Variants in PALM2AKAP2 observed in about 807,000 individuals in gnomAD.
PALM2AKAP2 encodes the protein PALM2 and AKAP2 fusion.
PALM2AKAP2 carries 37 observed loss-of-function variants against 71.5 expected under a neutral mutation model. That is an observed-to-expected ratio of 0.52 (90% CI 0.40 to 0.68). The LOEUF (loss-of-function observed/expected upper bound fraction) is 0.68. PALM2AKAP2 is among the 30% of genes least tolerant of loss of function. The pLI, the probability that PALM2AKAP2 is intolerant of heterozygous loss-of-function variation, is 0.00. For synonymous variants in PALM2AKAP2, 468 were observed against 478.8 expected, an observed-to-expected ratio of 0.98 and a Z score of 0.29; for missense variants, 1,224 against 1,191.8, an observed-to-expected ratio of 1.03 and a Z score of -0.40.
At chr9:109,878,372 G>T (rs1829764803) in intron 2 of PALM2AKAP2, among the ~76,000 whole-genome samples, 1 of 152,166 alleles carries the variant, frequency 6.6e-6, no homozygotes, top group Non-Finnish European at 1.5e-5. Flanking sequence ...TATAATCACT[G>T]TAAGAGTATA....
At chr9:109,866,692 A>G (rs1829457210) in intron 1 of PALM2AKAP2, among the ~76,000 whole-genome samples, 1 of 152,242 alleles carries the variant, frequency 6.6e-6, no homozygotes, top group African/African-American at 2.4e-5. Context: ...TAGGCCTTTT[A>G]CGTTACATCA....
Position 109,789,214 on chromosome 9 carries a change from ACAGCCCCATTGAGAGAG to A in PALM2AKAP2, c.45+8682_45+8698del, listed in dbSNP as rs1827044278. Among the ~76,000 whole-genome samples, 4 of 152,184 alleles carry A rather than the reference ACAGCCCCATTGAGAGAG, an allele frequency of 2.6e-5. No homozygotes were observed. In the South Asian group the frequency reaches 8.3e-4, roughly 32 times the overall value. ...AGAGAAGATATCCAGCAACACCATG[ACAGCCCCATTGAGAGAG>A]GCTTGCCATACATATGATGGTGTAT... On this transcript the variant is annotated intron_variant, in intron 1 of 9. Transcript: ENST00000302798.
intron 1 of PALM2AKAP2, among the ~76,000 whole-genome samples, chr9:109,736,297 G>A (rs1828634756): frequency 6.6e-6 from 1 of 152,134 alleles, no homozygotes; most frequent in South Asian, 2.1e-4. Context: ...GTTTTCTGTA[G>A]CGACAATGAA....
At chr9:109,913,781 G>T (rs1313454452) in intron 3 of PALM2AKAP2, among the ~76,000 whole-genome samples, 1 of 141,386 alleles carries the variant, frequency 7.1e-6, no homozygotes, top group Non-Finnish European at 1.5e-5. Flanking sequence ...TTTTGAGACG[G>T]AGTCTGGCTC....
chr9:109,949,831 A>G (rs1249828071), intron 6 of PALM2AKAP2, among the ~76,000 whole-genome samples: 1 of 152,232 alleles, frequency 6.6e-6, no homozygotes, highest in East Asian at 1.9e-4. Flanking sequence ...AAGCCCAGAA[A>G]CTATCAAAGT....
chr9:109,740,320 T>C (rs918255389), intron 1 of PALM2AKAP2, among the ~76,000 whole-genome samples: 7 of 152,180 alleles, frequency 4.6e-5, no homozygotes, highest in Admixed American at 4.6e-4. Context: ...CAGATGTTGA[T>C]GAGTACTATA....
chr9:109,940,237 A>G (rs758694407), intron 6 of PALM2AKAP2, among the ~76,000 whole-genome samples: 1 of 152,208 alleles, frequency 6.6e-6, no homozygotes, highest in African/African-American at 2.4e-5. Context: ...GATCCTAAAA[A>G]TCTATGAAGC....
intron 1 of PALM2AKAP2, among the ~76,000 whole-genome samples, chr9:110,088,873 C>T (rs990982495): frequency 6.6e-6 from 1 of 151,850 alleles, no homozygotes; most frequent in South Asian, 2.1e-4. Context: ...CTTCAAGCCA[C>T]CACGCCCAGC....
chr9:109,830,428 A>G (rs1195938978), intron 1 of PALM2AKAP2, among the ~76,000 whole-genome samples: 1 of 152,186 alleles, frequency 6.6e-6, no homozygotes, highest in Non-Finnish European at 1.5e-5. Context: ...GCTGGTGTTA[A>G]TGTTTGATCA....
At chr9:109,681,717 T>G (rs1018433709) in intron 1 of PALM2AKAP2, among the ~76,000 whole-genome samples, 3 of 152,210 alleles carry the variant, frequency 2.0e-5, no homozygotes, top group South Asian at 4.1e-4. Context: ...TTAGACTTAT[T>G]ATATGGGTAG....
At chr9:109,943,274 T>C (rs1831420084) in intron 6 of PALM2AKAP2, 3 of 1,614,106 alleles carry the variant, frequency 1.9e-6, no homozygotes, top group Non-Finnish European at 2.5e-6. Context: ...GTGTCCACTA[T>C]TGACGGGAAC....
At chr9:110,025,378 A>G (rs1588065011) in intron 7 of PALM2AKAP2, 1 of 882,332 alleles carries the variant, frequency 1.1e-6, no homozygotes, top group South Asian at 1.3e-5. Flanking sequence ...TTACTGGAAG[A>G]TGGAGGTTCC....
intron 2 of PALM2AKAP2, 100 bp from the exon 3 acceptor site, chr9:109,880,451 G>C: frequency 6.6e-7 from 1 of 1,516,028 alleles, no homozygotes; most frequent in Non-Finnish European, 8.9e-7. Flanking sequence ...TTCAGGCAGC[G>C]CTGGTGAGGG....
chr9:110,104,345 C>T (rs1564307288), intron 1 of PALM2AKAP2, among the ~76,000 whole-genome samples: 3 of 152,242 alleles, frequency 2.0e-5, no homozygotes, highest in East Asian at 3.9e-4. Flanking sequence ...TCCCACAGCA[C>T]AAATCGTACC....
chr9:109,691,903 CACACACACATATATATATAT>C (rs1827899970), intron 1 of PALM2AKAP2, among the ~76,000 whole-genome samples: 5 of 41,264 alleles, frequency 1.2e-4, no homozygotes, highest in Admixed American at 2.2e-4. Flanking sequence ...TATATATATA[CACACACACATATATATATAT>C]ACACATATAT....
intron 1 of PALM2AKAP2, among the ~76,000 whole-genome samples, chr9:110,071,691 A>G (rs1834211132): frequency 6.6e-6 from 1 of 152,230 alleles, no homozygotes; most frequent in Non-Finnish European, 1.5e-5. Flanking sequence ...GAAAATGGGC[A>G]TATTTTCCAA....
At chr9:110,024,521 C>T (rs557720354) in intron 7 of PALM2AKAP2, among the ~76,000 whole-genome samples, 16 of 152,168 alleles carry the variant, frequency 1.1e-4, no homozygotes, top group Middle Eastern at 3.4e-3. Flanking sequence ...TGGTGGCTTA[C>T]GCCTGTGATC....
chr9:109,966,703 G>A (rs1831956426), intron 6 of PALM2AKAP2, among the ~76,000 whole-genome samples: 1 of 152,222 alleles, frequency 6.6e-6, no homozygotes, highest in African/African-American at 2.4e-5. Context: ...ATATTTTAAA[G>A]CATGACCTTA....
At chr9:110,113,796 G>A (rs1835302073) in intron 1 of PALM2AKAP2, among the ~76,000 whole-genome samples, 1 of 152,154 alleles carries the variant, frequency 6.6e-6, no homozygotes, top group Non-Finnish European at 1.5e-5. Context: ...GCCTCCCAAA[G>A]TGCTGGGATT....
Sources: gnomAD v4.1 joint callset for allele counts (sites outside exome capture counted in the v4.1 genomes callset) on GRCh38, gnomAD v4.1.1 for gene constraint, MANE v1.5 for transcripts, NCBI Gene and HGNC (gene_info 2026-07-23, HGNC 2026-07-21) for gene names.